LRP1B: variants seen among roughly 807,000 people sequenced by gnomAD.
LRP1B encodes LDL receptor related protein 1B.
A neutral mutation model predicts 556.6 loss-of-function variants in LRP1B; 217 were observed. The ratio of observed to expected loss-of-function variants is 0.39; its 90% confidence interval spans 0.35 to 0.44. LRP1B has a LOEUF of 0.44. Ranked by LOEUF, LRP1B falls within the 20% of genes least tolerant of loss-of-function variation. LRP1B has a pLI of 1.00. For synonymous variants in LRP1B, 2,047 were observed against 1,865.8 expected (o/e 1.10, Z -2.50); for missense variants, 5,053 against 5,620.8 (o/e 0.90, Z 3.23).
chr2:141,996,171 T>C (rs1417701837), intron 1 of LRP1B, among the ~76,000 whole-genome samples: 1 of 144,054 alleles, frequency 6.9e-6, no homozygotes, highest in African/African-American at 2.6e-5. Context: ...TGAGCTGAGA[T>C]AATGACACTG....
chr2:141,618,746 T>G (rs1688400160), intron 2 of LRP1B, among the ~76,000 whole-genome samples: 1 of 152,176 alleles, frequency 6.6e-6, no homozygotes, highest in Non-Finnish European at 1.5e-5. Flanking sequence ...CCTCCTGTCC[T>G]TAGTCTCTGC....
intron 60 of LRP1B, among the ~76,000 whole-genome samples, chr2:140,469,876 G>T (rs1025536193): frequency 6.6e-6 from 1 of 152,152 alleles, no homozygotes; most frequent in Non-Finnish European, 1.5e-5. Flanking sequence ...CTTTGGACAG[G>T]TTACTTAATC....
intron 1 of LRP1B, among the ~76,000 whole-genome samples, chr2:142,030,730 G>A (rs1200975990): frequency 6.6e-6 from 1 of 151,758 alleles, no homozygotes; most frequent in Admixed American, 6.6e-5. Context: ...ATTTTTATTA[G>A]AGATGATATG....
chr2:141,617,383 T>G (rs381978), intron 2 of LRP1B, among the ~76,000 whole-genome samples: 19,526 of 152,194 alleles, frequency 0.13, 1,831 homozygotes, highest in African/African-American at 0.27. Context: ...GCATTTTTAT[T>G]TCTACGGGTA....
intron 41 of LRP1B, among the ~76,000 whole-genome samples, chr2:140,610,186 GTGT>G (rs1683020144): frequency 6.6e-6 from 1 of 151,660 alleles, no homozygotes; most frequent in South Asian, 2.1e-4. Context: ...AAAATTTTAT[GTGT>G]TGTTTGTGTT....
intron 41 of LRP1B, among the ~76,000 whole-genome samples, chr2:140,674,368 G>C (rs926142508): frequency 2.5e-4 from 38 of 152,220 alleles, no homozygotes; most frequent in African/African-American, 8.9e-4. Context: ...ACCTTTTAAA[G>C]GTCTGAATAG....
chr2:141,142,931 T>TA (rs1701690889), intron 7 of LRP1B, among the ~76,000 whole-genome samples: 1 of 145,992 alleles, frequency 6.8e-6, no homozygotes, highest in Non-Finnish European at 1.5e-5. Flanking sequence ...CTTTTTTTTT[T>TA]TTTTTTTTTT....
intron 3 of LRP1B, among the ~76,000 whole-genome samples, chr2:141,314,826 A>ATATATG (rs1323342015): frequency 0.026 from 3,106 of 119,144 alleles, 145 homozygotes; most frequent in African/African-American, 0.087. Context: ...ATATATATAT[A>ATATATG]TGTGTATATA....
At chr2:141,615,372 A>C (rs116757671) in intron 2 of LRP1B, among the ~76,000 whole-genome samples, 4,507 of 152,272 alleles carry the variant, frequency 0.03, 103 homozygotes, top group South Asian at 0.067. Flanking sequence ...TCTCTACTAG[A>C]ATGTAACCAC....
chr2:140,810,680 T>C (rs142103810), intron 32 of LRP1B, among the ~76,000 whole-genome samples: 2 of 152,300 alleles, frequency 1.3e-5, no homozygotes, highest in East Asian at 3.9e-4. Flanking sequence ...ATCCTCAGAC[T>C]GCTAGGTGTA....
At chr2:141,764,325 C>A (rs1242747163) in intron 2 of LRP1B, among the ~76,000 whole-genome samples, 1 of 152,068 alleles carries the variant, frequency 6.6e-6, no homozygotes, top group African/African-American at 2.4e-5. Flanking sequence ...GGACTACAGG[C>A]GCCCGCCACC....
chr2:140,839,987 T>G lies in LRP1B; in HGVS notation c.5209+4A>C. Reference sequence around the variant, plus strand: ...ACTTGGTGACTATTAAAAAAAATACTTACCAACTGGCTCCTTCTGATTCTG... The same window carrying G: ...ACTTGGTGACTATTAAAAAAAATACGTACCAACTGGCTCCTTCTGATTCTG... On this transcript the variant is annotated splice_donor_region_variant and intron_variant, in intron 31 of 90. Transcript: ENST00000389484. The G allele has an allele frequency of 6.3e-7, 1 of 1,597,346 alleles. No individual in the cohort carries two copies. The highest frequency in any genetic ancestry group is 8.6e-7 in the Non-Finnish European group (1 of 1,169,172).
intron 20 of LRP1B, among the ~76,000 whole-genome samples, chr2:140,925,145 A>T (rs551286246): frequency 6.6e-6 from 1 of 152,164 alleles, no homozygotes; most frequent in Admixed American, 6.6e-5. Flanking sequence ...ACATCATTTC[A>T]TATAAGAAAC....
intron 1 of LRP1B, among the ~76,000 whole-genome samples, chr2:141,837,079 G>A (rs1476017211): frequency 6.6e-6 from 1 of 151,944 alleles, no homozygotes; most frequent in East Asian, 1.9e-4. Flanking sequence ...TTATAACTGA[G>A]TCTATTATTA....
intron 3 of LRP1B, among the ~76,000 whole-genome samples, chr2:141,263,917 TA>T (rs1487802317): frequency 6.6e-6 from 1 of 152,116 alleles, no homozygotes; most frequent in Admixed American, 6.5e-5. Context: ...AAGCGTTTAA[TA>T]AAAAACAATA....
chr2:141,111,770 GC>G (rs1700756981), intron 7 of LRP1B, among the ~76,000 whole-genome samples: 1 of 152,114 alleles, frequency 6.6e-6, no homozygotes, highest in Non-Finnish European at 1.5e-5. Context: ...TTCTACTCCA[GC>G]CGGTAGTGGT....
chr2:140,244,523 ATATTT>A (rs1681076189), intron 87 of LRP1B, among the ~76,000 whole-genome samples: 1 of 151,338 alleles, frequency 6.6e-6, no homozygotes, highest in Non-Finnish European at 1.5e-5. Flanking sequence ...TATGCAATGA[ATATTT>A]TATTATGCTG....
At chr2:140,740,656 G>A (rs1473376204) in intron 35 of LRP1B, among the ~76,000 whole-genome samples, 4 of 151,956 alleles carry the variant, frequency 2.6e-5, no homozygotes, top group African/African-American at 9.7e-5. Context: ...AAAACCTATG[G>A]AAAAAGAAAA....
intron 2 of LRP1B, among the ~76,000 whole-genome samples, chr2:141,625,012 C>T (rs1156566321): frequency 6.6e-6 from 1 of 152,140 alleles, no homozygotes; most frequent in Non-Finnish European, 1.5e-5. Flanking sequence ...TCGTGATCCG[C>T]CCGCCTCAGC....
Sources: allele counts gnomAD v4.1 joint callset (sites outside exome capture counted in the v4.1 genomes callset), GRCh38; gene constraint gnomAD v4.1.1; transcripts MANE v1.5; gene names NCBI Gene and HGNC (gene_info 2026-07-23, HGNC 2026-07-21).